The following C17orf107 variants were observed in gnomAD, a reference collection of about 807,000 sequenced individuals.
C17orf107 encodes chromosome 17 open reading frame 107, also known as uncharacterized protein C17orf107.
C17orf107 carries 9 observed loss-of-function variants against 8.9 expected under a neutral mutation model. The observed-to-expected ratio is 1.02, with a 90% CI of 0.61 to 1.77. The LOEUF is 1.77. C17orf107 is among the 40% of genes most tolerant of loss of function. C17orf107 has a pLI of 0.00. For synonymous variants in C17orf107, 139 were observed against 120.3 expected, an observed-to-expected ratio of 1.16 and a Z score of -1.02; for missense variants, 281 against 249.0, an observed-to-expected ratio of 1.13 and a Z score of -0.86.
intron 2 of C17orf107, 39 bp downstream of exon 2, chr17:4,900,184 T>G: frequency 1.9e-6 from 3 of 1,544,172 alleles, no homozygotes; most frequent in Admixed American, 4.0e-5. Flanking sequence ...GGCGATCGGG[T>G]AGCGGGAACA....
In C17orf107 at chr17:4,902,104, A is replaced by T. The variant is rs758366677; in HGVS notation, c.*1571A>T. ...CCATCAATACTGTGGGCTCGGGGAA[A>T]CCGAGCTTTTTGCACAGGTCTGCAC... On this transcript the variant is annotated 3_prime_UTR_variant, in exon 3 of 3. Transcript: ENST00000381365. This position sits in a 1 kb window ranked among gnomAD's most constrained non-coding sequence, Gnocchi z 4.0. 8 of 1,613,446 alleles carry T rather than the reference A, an allele frequency of 5.0e-6. No homozygotes were observed. In the Admixed American group the frequency reaches 1.2e-4, roughly 24 times the overall value.
rs374567205 is a variant in C17orf107 at position 4,902,574 on chromosome 17, G to A, written c.*2041G>A. The A allele has an allele frequency of 8.7e-6, 14 of 1,614,044 alleles. No homozygotes were observed. The highest frequency in any genetic ancestry group is 1.6e-4 in the Middle Eastern group (1 of 6,084). ...TTTAGGACAGAGCTCAGCGGTTGGG[G>A]CCAGAAGTGGGATTTTTGGCTTAAG... is the stretch of plus-strand genomic sequence containing the variant. On this transcript the variant is annotated 3_prime_UTR_variant, in exon 3 of 3. Transcript: ENST00000381365. This position sits in a 1 kb window ranked among gnomAD's most constrained non-coding sequence, Gnocchi z 4.0.
chr17:4,900,858 G>T lies in C17orf107; in HGVS notation c.*325G>T, dbSNP rs770586668. The T allele has an allele frequency of 6.2e-7, 1 of 1,614,192 alleles. No individual in the cohort carries two copies. Among genetic ancestry groups the T allele is most frequent in the Non-Finnish European group, 8.5e-7 (1 of 1,180,002 alleles). On this transcript the variant is annotated 3_prime_UTR_variant, in exon 3 of 3. Coordinates refer to ENST00000381365, the MANE Select transcript of C17orf107 (RefSeq NM_001145536.2). ...TCTGGGCAATGAGGAACAAGAAGACGGTCTGGGCGAGCAGGACGTTGATGG... is the reference window on the plus strand; with the variant it reads ...TCTGGGCAATGAGGAACAAGAAGACTGTCTGGGCGAGCAGGACGTTGATGG...
At chr17:4,903,158 C>T (rs990457690), downstream of C17orf107, 6 of 1,306,672 alleles carry the variant, frequency 4.6e-6, no homozygotes, top group African/African-American at 4.4e-5. Context: ...GTGTTAGTTC[C>T]GGGCTGTTAG....
At chr17:4,904,924 G>T (rs143909795), downstream of C17orf107, among the ~76,000 whole-genome samples, 48 of 152,258 alleles carry the variant, frequency 3.2e-4, no homozygotes, top group African/African-American at 1.1e-3. Context: ...CCCTTTCTGG[G>T]TCTCTTTGAC....
rs1246713837 is a variant in C17orf107, at chr17:4,901,293, G to C, written c.*760G>C. The C allele has an allele frequency of 1.6e-5, 22 of 1,348,184 alleles. No homozygotes were observed. The highest frequency in any genetic ancestry group is 2.3e-5 in the Non-Finnish European group (22 of 967,230). 83.5% of individuals were successfully genotyped at this position (1,348,184 alleles called of 1,614,324 possible). The stretch of plus-strand genomic sequence containing the variant: ...GCGGCTGTCTGCACCAGGGTCATGG[G>C]CCGTCAGGATGGGGGCAATTACGGA... On this transcript the variant is annotated 3_prime_UTR_variant, in exon 3 of 3. Coordinates refer to ENST00000381365, the MANE Select transcript of C17orf107 (RefSeq NM_001145536.2).
At position 4,899,761 on chromosome 17, in the gene C17orf107, C is replaced by T; in HGVS notation, c.-2C>T. 1 of 1,551,188 alleles carries T rather than the reference C, an allele frequency of 6.4e-7. No individual in the cohort carries two copies. The highest frequency in any genetic ancestry group is 1.2e-5 in the South Asian group (1 of 84,054). On this transcript the variant is annotated 5_prime_UTR_variant, in exon 1 of 3. Coordinates refer to ENST00000381365, the MANE Select transcript of C17orf107 (RefSeq NM_001145536.2). ...TCTCCTGTCCTACCACTTGTGGCGGCCATGAAGGGGACCCCCAGCTCCCTG... is the reference window on the plus strand; with the variant it reads ...TCTCCTGTCCTACCACTTGTGGCGGTCATGAAGGGGACCCCCAGCTCCCTG...
Position 4,899,806 on chromosome 17 carries a change from A to G in C17orf107, c.44A>G (p.Tyr15Cys), listed in dbSNP as rs1969902401. Residue 15 changes from tyrosine to cysteine, a missense_variant, in exon 1 of 3, where the codon TAC becomes TGC. Physicochemically the swap from Tyr to Cys is radical, Grantham distance 194 (BLOSUM62 -2). Transcript: ENST00000381365. ...PSSLDTLMWIYHFHSSTEVAL... is the reference protein window; with the variant it reads ...PSSLDTLMWICHFHSSTEVAL... ...TCCCTGGACACCCTGATGTGGATCTACCACTTCCACAGCTCCACCGAGGTG... is the reference window on the plus strand; with the variant it reads ...TCCCTGGACACCCTGATGTGGATCTGCCACTTCCACAGCTCCACCGAGGTG... 4 of 1,551,010 alleles carry G rather than the reference A, an allele frequency of 2.6e-6. No individual in the cohort carries two copies. The highest frequency in any genetic ancestry group is 3.5e-6 in the Non-Finnish European group (4 of 1,146,908).
At chr17:4,906,588 GCT>G (rs1970095138), downstream of C17orf107, among the ~76,000 whole-genome samples, 1 of 152,042 alleles carries the variant, frequency 6.6e-6, no homozygotes, top group Non-Finnish European at 1.5e-5. Flanking sequence ...AAGAAAACGT[GCT>G]CAGCATCATT....
In C17orf107 at chr17:4,902,385, G is replaced by A. The variant is rs1970021223; in HGVS notation, c.*1852G>A. 6.2e-7 allele frequency: 1 copy of A among 1,613,716 alleles called. No homozygotes were observed. Among genetic ancestry groups the A allele is most frequent in the African/African-American group, 1.3e-5 (1 of 75,038 alleles). ...GCATCTCCCACCTGGCGCTGCCTGG[G>A]AGGGGTTTGGGGGAAAAGGGGTGCC... On this transcript the variant is annotated 3_prime_UTR_variant, in exon 3 of 3. Coordinates refer to ENST00000381365, the MANE Select transcript of C17orf107 (RefSeq NM_001145536.2). This position sits in a 1 kb window ranked among gnomAD's most constrained non-coding sequence, Gnocchi z 4.0.
chr17:4,901,570 C>T lies in C17orf107; in HGVS notation c.*1037C>T, dbSNP rs764960076. ...ATGTCGATCTTGTTGATGGTCTTGC[C>T]GTCGTTGTCTACGGCAAAAGTGAAC... On this transcript the variant is annotated 3_prime_UTR_variant, in exon 3 of 3. Transcript: ENST00000381365. 147 of 1,614,038 alleles carry T rather than the reference C, an allele frequency of 9.1e-5. 1 individual carries two copies. Among genetic ancestry groups the T allele is most frequent in the Admixed American group, 3.2e-4 (19 of 60,000 alleles).
At chr17:4,900,187 C>T in intron 2 of C17orf107, 42 bp downstream of exon 2, 1 of 1,543,440 alleles carries the variant, frequency 6.5e-7, no homozygotes, top group Non-Finnish European at 8.8e-7. Context: ...GATCGGGTAG[C>T]GGGAACAAGG....
At position 4,901,864 on chromosome 17, in the gene C17orf107, G is replaced by A. The variant is rs1447542517; in HGVS notation, c.*1331G>A. The A allele has an allele frequency of 6.3e-7, 1 of 1,595,772 alleles. No individual in the cohort carries two copies. Among genetic ancestry groups the A allele is most frequent in the Non-Finnish European group, 8.6e-7 (1 of 1,167,688 alleles). On this transcript the variant is annotated 3_prime_UTR_variant, in exon 3 of 3. Transcript: ENST00000381365. ...CCCCGCCCCGAGGGCGGTGCTTCCC[G>A]GTTGGCCCCGCCCCATAAGGCCCCC... is the stretch of plus-strand genomic sequence containing the variant.
At position 4,901,878 on chromosome 17, in the gene C17orf107, C is replaced by CA; in HGVS notation, c.*1346dup. ...CGGTGCTTCCCGGTTGGCCCCGCCC[C>CA]ATAAGGCCCCCCCCCAACAATAATC... On this transcript the variant is annotated 3_prime_UTR_variant, in exon 3 of 3. Coordinates refer to ENST00000381365, the MANE Select transcript of C17orf107 (RefSeq NM_001145536.2). 1.4e-6 allele frequency: 2 copies of CA among 1,475,984 alleles called. No homozygotes were observed. Among genetic ancestry groups the CA allele is most frequent in the Non-Finnish European group, 1.9e-6 (2 of 1,061,810 alleles). 91.4% of individuals were successfully genotyped at this position (1,475,984 alleles called of 1,614,324 possible).
At position 4,902,670 on chromosome 17, in the gene C17orf107, T is replaced by A. The variant is rs753272609; in HGVS notation, c.*2137T>A. 2 of 1,613,806 alleles carry A rather than the reference T, an allele frequency of 1.2e-6. No individual in the cohort carries two copies. Among genetic ancestry groups the A allele is most frequent in the East Asian group, 2.2e-5 (1 of 44,822 alleles). On this transcript the variant is annotated 3_prime_UTR_variant, in exon 3 of 3. Coordinates refer to ENST00000381365, the MANE Select transcript of C17orf107 (RefSeq NM_001145536.2). The surrounding 1 kb of genome is among the most constrained non-coding windows in gnomAD (Gnocchi z 4.0). ...GACCTTGAGGCTGATGGTGACAGTA[T>A]CCTCAGGCTCCCGCACTGGCCGGCT...
chr17:4,904,301 G>T (rs1183571529), downstream of C17orf107, among the ~76,000 whole-genome samples: 1 of 152,038 alleles, frequency 6.6e-6, no homozygotes, highest in Non-Finnish European at 1.5e-5. Context: ...GGGCTAAAGC[G>T]ATCCTCCTGC....
In C17orf107 at chr17:4,900,811, C is replaced by T. The variant is rs776585678; in HGVS notation, c.*278C>T. 1.9e-6 allele frequency: 3 copies of T among 1,614,044 alleles called. No individual in the cohort carries two copies. The highest frequency in any genetic ancestry group is 2.2e-5 in the South Asian group (2 of 91,084). On this transcript the variant is annotated 3_prime_UTR_variant, in exon 3 of 3. Transcript: ENST00000381365. The stretch of plus-strand genomic sequence containing the variant: ...GCTTCACCTGCCCAGGAGCGGCACG[C>T]TCAGAGAAGTCTCTGGGATTTTCTG...
Position 4,899,725 on chromosome 17 carries a change from C to G in C17orf107, c.-38C>G, listed in dbSNP as rs995149076. 6.5e-7 allele frequency: 1 copy of G among 1,534,116 alleles called. No individual in the cohort carries two copies. The highest frequency in any genetic ancestry group is 8.8e-7 in the Non-Finnish European group (1 of 1,131,474). ...GCCCCCTACACGACGACAGACGCGT[C>G]CCCCAGCCCTTCTCCTGTCCTACCA... On this transcript the variant is annotated 5_prime_UTR_variant, in exon 1 of 3. Coordinates refer to ENST00000381365, the MANE Select transcript of C17orf107 (RefSeq NM_001145536.2).
At chr17:4,905,242 A>C (rs1471463687), downstream of C17orf107, among the ~76,000 whole-genome samples, 1 of 152,172 alleles carries the variant, frequency 6.6e-6, no homozygotes, top group Non-Finnish European at 1.5e-5. Flanking sequence ...AGGGTGAATC[A>C]GATCTGTCAG....
Sources: allele counts gnomAD v4.1 joint callset (sites outside exome capture counted in the v4.1 genomes callset), GRCh38; gene constraint gnomAD v4.1.1; non-coding constraint Gnocchi (gnomAD v3.1); transcripts MANE v1.5; gene names NCBI Gene and HGNC (gene_info 2026-07-23, HGNC 2026-07-21).